Variants in WFDC1 observed in about 807,000 individuals in gnomAD.
The protein encoded by WFDC1 is WAP four-disulfide core domain 1.
A neutral mutation model predicts 32.9 loss-of-function variants in WFDC1; 39 were observed. The ratio of observed to expected loss-of-function variants is 1.19; its 90% CI spans 0.92 to 1.55. The LOEUF is 1.55. WFDC1 is among the 40% of genes most tolerant of loss of function. The pLI, the probability that WFDC1 is intolerant of heterozygous loss-of-function variation, is 0.00. For missense variants in WFDC1, 386 were observed against 309.5 expected, an observed-to-expected ratio of 1.25 and a Z score of -1.85; for synonymous variants, 184 against 137.4, an observed-to-expected ratio of 1.34 and a Z score of -2.37.
intron 4 of WFDC1, among the ~76,000 whole-genome samples, chr16:84,322,145 C>CTGTGTGTGTGTG (rs751867533): frequency 3.0e-4 from 33 of 109,456 alleles, no homozygotes; most frequent in East Asian, 2.5e-3. Flanking sequence ...GCCTCAGAGC[C>CTGTGTGTGTGTG]TGTGTGTGTG....
intron 3 of WFDC1, chr16:84,318,623 G>A (rs976078371): frequency 4.0e-5 from 15 of 378,642 alleles, no homozygotes; most frequent in Non-Finnish European, 6.5e-5. Flanking sequence ...AGGGGAGGGG[G>A]CTTAGGGTTG....
chr16:84,301,440 A>G (rs946600432), intron 1 of WFDC1, among the ~76,000 whole-genome samples: 7 of 152,296 alleles, frequency 4.6e-5, no homozygotes, highest in East Asian at 3.9e-4. Context: ...GGCTATCACT[A>G]TATCCCCAGA....
chr16:84,327,509 T>C, intron 6 of WFDC1: 1 of 153,156 alleles, frequency 6.5e-6, no homozygotes, highest in South Asian at 2.1e-4. Context: ...TTAACTCTTG[T>C]TTATATCCAT....
intron 1 of WFDC1, 36 bp downstream of exon 1, chr16:84,295,151 T>C (rs1555542821): frequency 9.3e-6 from 15 of 1,607,142 alleles, no homozygotes; most frequent in South Asian, 1.1e-5. Context: ...GGGCAGCCTG[T>C]GTGGGTGGGA....
At chr16:84,307,702 GC>G in intron 1 of WFDC1, among the ~76,000 whole-genome samples, 1 of 152,262 alleles carries the variant, frequency 6.6e-6, no homozygotes, top group Non-Finnish European at 1.5e-5. Flanking sequence ...AAAATAAGCC[GC>G]CCCCTCCCGA....
intron 6 of WFDC1, 113 bp downstream of exon 6, chr16:84,327,068 C>T (rs531455418): frequency 9.9e-7 from 1 of 1,009,816 alleles, no homozygotes; most frequent in Admixed American, 2.1e-5. Context: ...GCTTTCCCTA[C>T]TGGTAGAATT....
chr16:84,324,550 G>T (rs2151380313), intron 5 of WFDC1, 90 bp downstream of exon 5: 1 of 1,461,148 alleles, frequency 6.8e-7, no homozygotes, highest in Non-Finnish European at 9.4e-7. Flanking sequence ...AAAGCCCAGG[G>T]CTGAGATATA....
chr16:84,312,853 C>A (rs1423900284), intron 1 of WFDC1, 108 bp from the exon 2 acceptor site: 1 of 624,114 alleles, frequency 1.6e-6, no homozygotes, highest in Non-Finnish European at 2.1e-6. Context: ...CAAGAGGAAA[C>A]GCAGGCTCAG....
intron 6 of WFDC1, chr16:84,327,319 C>T: frequency 4.7e-6 from 1 of 211,918 alleles, no homozygotes; most frequent in Non-Finnish European, 9.7e-6. Flanking sequence ...GCTTTAGTCT[C>T]AGTAGCTGGG....
chr16:84,327,212 A>G, intron 6 of WFDC1: 1 of 434,524 alleles, frequency 2.3e-6, no homozygotes. Context: ...TTTTTAAGAG[A>G]TGGGGTCTCA....
intron 1 of WFDC1, among the ~76,000 whole-genome samples, chr16:84,299,643 G>C (rs961686746): frequency 6.6e-6 from 1 of 152,266 alleles, no homozygotes. Context: ...AATCCACCGG[G>C]TGGGGCCCAT....
intron 1 of WFDC1, among the ~76,000 whole-genome samples, chr16:84,300,693 G>A (rs1906882477): frequency 6.6e-6 from 1 of 152,238 alleles, no homozygotes; most frequent in African/African-American, 2.4e-5. Flanking sequence ...GAAGGGGCCA[G>A]GCATGGTGGC....
chr16:84,324,468 A>G lies in WFDC1; in HGVS notation c.604+8A>G, dbSNP rs1397659413. ...TTTACAAAGAATATCCAGGTAAAAGAAGAAACTGTTCTTTCTTTCCAGAGG... is the reference window on the plus strand; with the variant it reads ...TTTACAAAGAATATCCAGGTAAAAGGAGAAACTGTTCTTTCTTTCCAGAGG... On this transcript the variant is annotated splice_region_variant and intron_variant, in intron 5 of 6. Coordinates refer to ENST00000219454, the MANE Select transcript of WFDC1 (RefSeq NM_021197.4). 3 of 1,613,150 alleles carry G rather than the reference A, an allele frequency of 1.9e-6. No individual in the cohort carries two copies. The highest frequency in any genetic ancestry group is 2.5e-6 in the Non-Finnish European group (3 of 1,179,740).
At chr16:84,301,552 G>A (rs558445842) in intron 1 of WFDC1, among the ~76,000 whole-genome samples, 22 of 152,246 alleles carry the variant, frequency 1.4e-4, no homozygotes, top group African/African-American at 5.1e-4. Flanking sequence ...GTCAGCGGGT[G>A]CTCAGTAGGC....
chr16:84,297,917 C>G (rs576857015), intron 1 of WFDC1, among the ~76,000 whole-genome samples: 1 of 152,190 alleles, frequency 6.6e-6, no homozygotes, highest in East Asian at 1.9e-4. Flanking sequence ...GTCGAGACTT[C>G]CCCGTGAGGC....
intron 1 of WFDC1, 125 bp from the exon 2 acceptor site, chr16:84,312,836 T>C (rs934022437): frequency 6.1e-6 from 3 of 489,346 alleles, no homozygotes; most frequent in Non-Finnish European, 5.6e-6. Flanking sequence ...CTGCTTGCTG[T>C]TTCTCACAAG....
At position 84,326,823 on chromosome 16, in the gene WFDC1, G is replaced by GC. The variant is rs1241495664; in HGVS notation, c.605-59_605-58insC. The GC allele has an allele frequency of 5.6e-6, 9 of 1,606,294 alleles. No individual in the cohort carries two copies. The African/African-American group carries it at 6.7e-5, about 12-fold the overall frequency. Reference sequence around the variant, plus strand: ...ATTTGGCAGTTCCTGGTGAGCCACGGGGGGCATTAGAGCAGGAATAGATAC... The same window carrying GC: ...ATTTGGCAGTTCCTGGTGAGCCACGGCGGGGCATTAGAGCAGGAATAGATAC... On this transcript the variant is annotated intron_variant, in intron 5 of 6. Coordinates refer to ENST00000219454, the MANE Select transcript of WFDC1 (RefSeq NM_021197.4).
At chr16:84,300,935 A>G (rs892304531) in intron 1 of WFDC1, among the ~76,000 whole-genome samples, 1 of 151,728 alleles carries the variant, frequency 6.6e-6, no homozygotes, top group Non-Finnish European at 1.5e-5. Context: ...AGATCATGCC[A>G]TTGCACTCCA....
chr16:84,303,897 G>A (rs1192068779), intron 1 of WFDC1, among the ~76,000 whole-genome samples: 7 of 152,174 alleles, frequency 4.6e-5, no homozygotes, highest in South Asian at 2.1e-4. Context: ...TGTTGTAGAC[G>A]TTTCATGGAA....
Sources: allele counts gnomAD v4.1 joint callset (sites outside exome capture counted in the v4.1 genomes callset), GRCh38; gene constraint gnomAD v4.1.1; transcripts MANE v1.5; gene names NCBI Gene and HGNC (gene_info 2026-07-23, HGNC 2026-07-21).